The following MAGI2 variants were observed in gnomAD, a reference collection of about 807,000 sequenced individuals.
MAGI2 encodes membrane associated guanylate kinase, WW and PDZ domain containing 2.
MAGI2 carries 35 observed loss-of-function variants against 133.3 expected under a neutral mutation model. That is an observed-to-expected ratio of 0.26 (90% CI 0.20 to 0.35). MAGI2 has a LOEUF of 0.35. MAGI2 is among the 10% of genes least tolerant of loss of function. MAGI2 has a pLI of 1.00. For synonymous variants in MAGI2, 729 were observed against 710.6 expected, an observed-to-expected ratio of 1.03 and a Z score of -0.41; for missense variants, 1,636 against 1,863.4, an observed-to-expected ratio of 0.88 and a Z score of 2.25.
intron 2 of MAGI2, among the ~76,000 whole-genome samples, chr7:78,793,831 T>G (rs1170573867): frequency 2.0e-5 from 3 of 152,210 alleles, no homozygotes; most frequent in Admixed American, 2.0e-4. Flanking sequence ...GCTTAGTTGG[T>G]GATCGTATAT....
At chr7:79,380,330 C>T (rs188959817) in intron 1 of MAGI2, among the ~76,000 whole-genome samples, 1 of 151,910 alleles carries the variant, frequency 6.6e-6, no homozygotes, top group Non-Finnish European at 1.5e-5. Flanking sequence ...CCGTTTTACT[C>T]CTCTTTCATT....
chr7:79,234,509 C>T (rs1183534027), intron 1 of MAGI2, among the ~76,000 whole-genome samples: 2 of 151,648 alleles, frequency 1.3e-5, no homozygotes, highest in African/African-American at 4.8e-5. Context: ...ATTCTTTTTT[C>T]TCTAAACTTC....
In MAGI2 at chr7:79,289,522, A is replaced by T. The variant is rs938247031; in HGVS notation, c.301+163498T>A. Among the ~76,000 whole-genome samples, 6 of 152,182 alleles carry T rather than the reference A, an allele frequency of 3.9e-5. No individual in the cohort carries two copies. The East Asian group carries it at 9.6e-4, about 24-fold the overall frequency. ...TGAGGCACTCATACAATCCTCTCTG[A>T]TGGACTATTATTGATGACTAGTAAT... On this transcript the variant is annotated intron_variant, in intron 1 of 21. Coordinates refer to ENST00000354212, the MANE Select transcript of MAGI2 (RefSeq NM_012301.4).
chr7:78,605,687 T>C (rs1805732532), intron 3 of MAGI2, among the ~76,000 whole-genome samples: 1 of 152,124 alleles, frequency 6.6e-6, no homozygotes, highest in African/African-American at 2.4e-5. Flanking sequence ...AAGAGGAATC[T>C]GGAAGGAGGG....
intron 1 of MAGI2, among the ~76,000 whole-genome samples, chr7:79,183,754 A>G (rs1444954397): frequency 1.3e-5 from 2 of 151,946 alleles, no homozygotes; most frequent in Non-Finnish European, 2.9e-5. Context: ...ATCAGTAGAT[A>G]AATAGATAAA....
At chr7:78,612,357 C>T (rs1343898612) in intron 3 of MAGI2, among the ~76,000 whole-genome samples, 1 of 151,922 alleles carries the variant, frequency 6.6e-6, no homozygotes, top group African/African-American at 2.4e-5. Flanking sequence ...ATTATAAAGG[C>T]ACCCAAGAAA....
intron 1 of MAGI2, among the ~76,000 whole-genome samples, chr7:79,097,395 A>T (rs1019000067): frequency 2.6e-5 from 4 of 152,216 alleles, no homozygotes; most frequent in Non-Finnish European, 5.9e-5. Flanking sequence ...ACTGAAACCA[A>T]CAGAGCTGGT....
intron 10 of MAGI2, among the ~76,000 whole-genome samples, chr7:78,225,153 C>G (rs1293881363): frequency 1.3e-5 from 2 of 152,126 alleles, no homozygotes; most frequent in African/African-American, 4.8e-5. Flanking sequence ...CATCAGAGAT[C>G]ACTTGTCAGC....
At chr7:79,323,587 A>G (rs1054892523) in intron 1 of MAGI2, among the ~76,000 whole-genome samples, 9 of 152,180 alleles carry the variant, frequency 5.9e-5, no homozygotes, top group African/African-American at 2.2e-4. Context: ...GGAGTTTATG[A>G]GCCGCATGGC....
At chr7:79,178,327 C>T (rs967136384) in intron 1 of MAGI2, among the ~76,000 whole-genome samples, 1 of 151,786 alleles carries the variant, frequency 6.6e-6, no homozygotes, top group African/African-American at 2.4e-5. Flanking sequence ...AAAAAGTTAG[C>T]TATAACAGAA....
At chr7:79,420,682 T>C (rs1362618951) in intron 1 of MAGI2, among the ~76,000 whole-genome samples, 1 of 151,968 alleles carries the variant, frequency 6.6e-6, no homozygotes, top group Non-Finnish European at 1.5e-5. Context: ...ACACTTTATT[T>C]TGCATCTACG....
intron 2 of MAGI2, among the ~76,000 whole-genome samples, chr7:78,741,728 A>T (rs1306862301): frequency 6.6e-6 from 1 of 152,100 alleles, no homozygotes; most frequent in Non-Finnish European, 1.5e-5. Context: ...CAACTGTGAA[A>T]TAGGGATACT....
At chr7:78,635,490 C>G (rs1809528001) in intron 2 of MAGI2, among the ~76,000 whole-genome samples, 1 of 152,230 alleles carries the variant, frequency 6.6e-6, no homozygotes, top group African/African-American at 2.4e-5. Context: ...ATAGTGCTTG[C>G]CGCATGGCAG....
intron 2 of MAGI2, among the ~76,000 whole-genome samples, chr7:78,779,118 G>A (rs1240612661): frequency 6.6e-6 from 1 of 152,044 alleles, no homozygotes; most frequent in African/African-American, 2.4e-5. Context: ...ATGTTGGCCA[G>A]GGTGGTCTCA....
chr7:78,232,697 G>C (rs1223095395), intron 10 of MAGI2, among the ~76,000 whole-genome samples: 1 of 152,168 alleles, frequency 6.6e-6, no homozygotes, highest in African/African-American at 2.4e-5. Context: ...CTGAAGAAAT[G>C]ATAAAGATTC....
At chr7:79,221,689 T>C (rs924991871) in intron 1 of MAGI2, among the ~76,000 whole-genome samples, 3 of 152,024 alleles carry the variant, frequency 2.0e-5, no homozygotes, top group African/African-American at 7.3e-5. Context: ...CTTCAGAAGT[T>C]TCAATGTGTC....
intron 2 of MAGI2, among the ~76,000 whole-genome samples, chr7:78,955,753 CT>C (rs1278190377): frequency 4.4e-5 from 3 of 68,022 alleles, no homozygotes; most frequent in Non-Finnish European, 1.0e-4. Context: ...TTCTTTCTTT[CT>C]TTCTTTCTTT....
chr7:79,266,702 C>T (rs1284991164), intron 1 of MAGI2, among the ~76,000 whole-genome samples: 1 of 152,072 alleles, frequency 6.6e-6, no homozygotes, highest in Non-Finnish European at 1.5e-5. Flanking sequence ...AATTAAACTG[C>T]CCCATACTCG....
intron 2 of MAGI2, among the ~76,000 whole-genome samples, chr7:78,671,340 G>C (rs1016454176): frequency 2.0e-5 from 3 of 149,552 alleles, no homozygotes; most frequent in African/African-American, 4.9e-5. Context: ...GAAACATTAC[G>C]CACCTCAGAG....
Sources: allele counts gnomAD v4.1 joint callset (sites outside exome capture counted in the v4.1 genomes callset), GRCh38; gene constraint gnomAD v4.1.1; transcripts MANE v1.5; gene names NCBI Gene and HGNC (gene_info 2026-07-23, HGNC 2026-07-21).